Variants in L3MBTL4 observed in about 807,000 individuals in gnomAD.
L3MBTL4 encodes L3MBTL histone methyl-lysine binding protein 4, also known as lethal(3)malignant brain tumor-like protein 4.
L3MBTL4 carries 70 observed loss-of-function variants against 84.5 expected under a neutral mutation model. The ratio of observed to expected loss-of-function variants is 0.83; its 90% CI spans 0.68 to 1.01. The LOEUF is 1.01. Among genes scored for constraint, L3MBTL4 ranks in the 50% least tolerant of loss-of-function variants. L3MBTL4 has a pLI of 0.00. For synonymous variants in L3MBTL4, 274 were observed against 259.8 expected (o/e 1.05, Z -0.52); for missense variants, 715 against 754.8 (o/e 0.95, Z 0.62).
chr18:6,116,506 G>T (rs552809138), intron 14 of L3MBTL4, among the ~76,000 whole-genome samples: 1 of 151,806 alleles, frequency 6.6e-6, no homozygotes, highest in Non-Finnish European at 1.5e-5. Flanking sequence ...TAGGATTACC[G>T]GCATGCACCA....
chr18:5,956,899 A>G (rs1374047913), intron 18 of L3MBTL4, among the ~76,000 whole-genome samples: 1 of 130,410 alleles, frequency 7.7e-6, no homozygotes, highest in Non-Finnish European at 1.6e-5. Context: ...GAAACATTTA[A>G]TGATTTAGGA....
At chr18:6,325,365 T>C (rs1300387045) in intron 1 of L3MBTL4, among the ~76,000 whole-genome samples, 1 of 152,144 alleles carries the variant, frequency 6.6e-6, no homozygotes, top group Non-Finnish European at 1.5e-5. Flanking sequence ...ACTACTTTTG[T>C]TGAGAGATGG....
chr18:6,098,612 A>G (rs1429495807), intron 14 of L3MBTL4, among the ~76,000 whole-genome samples: 3 of 152,158 alleles, frequency 2.0e-5, no homozygotes, highest in Non-Finnish European at 2.9e-5. Flanking sequence ...ATAGGCAAGT[A>G]TCTCCCAAGA....
chr18:6,060,248 T>C (rs1474361480), intron 16 of L3MBTL4, among the ~76,000 whole-genome samples: 2 of 152,160 alleles, frequency 1.3e-5, no homozygotes, highest in African/African-American at 2.4e-5. Flanking sequence ...CTTAGAATGA[T>C]CTTTCAGTCC....
intron 8 of L3MBTL4, 102 bp downstream of exon 8, chr18:6,241,256 C>A: frequency 2.8e-6 from 2 of 720,098 alleles, no homozygotes; most frequent in South Asian, 1.8e-5. Flanking sequence ...TAACAGTTTC[C>A]ATAACTTCTT....
At chr18:6,050,397 C>G (rs909266706) in intron 16 of L3MBTL4, among the ~76,000 whole-genome samples, 3 of 152,118 alleles carry the variant, frequency 2.0e-5, no homozygotes, top group Admixed American at 6.6e-5. Flanking sequence ...GTTACATTCA[C>G]CATTCTGAAA....
chr18:6,150,857 GTA>G (rs1468646090), intron 13 of L3MBTL4, among the ~76,000 whole-genome samples: 1 of 152,138 alleles, frequency 6.6e-6, no homozygotes, highest in African/African-American at 2.4e-5. Context: ...GGCACCTTGG[GTA>G]TAAAGGCACT....
intron 16 of L3MBTL4, among the ~76,000 whole-genome samples, chr18:6,027,919 G>A (rs757736810): frequency 3.4e-4 from 52 of 152,226 alleles, no homozygotes; most frequent in Non-Finnish European, 5.9e-4. Flanking sequence ...TAAGTTCCTT[G>A]TAAATTCTGG....
chr18:6,245,856 G>A (rs1049074720), intron 5 of L3MBTL4, among the ~76,000 whole-genome samples: 1 of 152,096 alleles, frequency 6.6e-6, no homozygotes, highest in Non-Finnish European at 1.5e-5. Context: ...CTCCCAAAGG[G>A]CTAGGAATAT....
intron 16 of L3MBTL4, among the ~76,000 whole-genome samples, chr18:6,051,138 C>G (rs2056823785): frequency 6.6e-6 from 1 of 152,184 alleles, no homozygotes; most frequent in South Asian, 2.1e-4. Flanking sequence ...GAGCACCAAG[C>G]TAATTTGGTT....
At chr18:6,347,382 G>A (rs957383767) in intron 1 of L3MBTL4, among the ~76,000 whole-genome samples, 2 of 151,790 alleles carry the variant, frequency 1.3e-5, no homozygotes, top group African/African-American at 4.8e-5. Context: ...AATTTAAAAA[G>A]AGAGTAAGAG....
At chr18:5,996,419 T>TGTA (rs1209358148) in intron 16 of L3MBTL4, among the ~76,000 whole-genome samples, 8 of 152,204 alleles carry the variant, frequency 5.3e-5, no homozygotes, top group African/African-American at 1.9e-4. Flanking sequence ...GGCAGTGAGC[T>TGTA]GTACGTTTTT....
chr18:6,067,844 C>T (rs8085316), intron 16 of L3MBTL4, among the ~76,000 whole-genome samples: 44,857 of 151,980 alleles, frequency 0.3, 6,836 homozygotes, highest in East Asian at 0.56. Context: ...TGATTTCTTG[C>T]GGATGCTGTA....
In L3MBTL4 at chr18:6,262,487, G is replaced by A. The variant is rs190755556; in HGVS notation, c.219+1460C>T. On this transcript the variant is annotated intron_variant, in intron 5 of 18. Coordinates refer to ENST00000317931, the MANE Select transcript of L3MBTL4 (RefSeq NM_001330559.2). Reference sequence around the variant, plus strand: ...TCTTATCAGGTGAAAGCAATGTGGGGAAACATGGACCTGACTCCTAGACAG... The same window carrying A: ...TCTTATCAGGTGAAAGCAATGTGGGAAAACATGGACCTGACTCCTAGACAG... Among the ~76,000 whole-genome samples the A allele has an allele frequency of 2.0e-5, 3 of 152,290 alleles. No individual in the cohort carries two copies. The East Asian group carries it at 5.8e-4, about 29-fold the overall frequency.
chr18:6,159,983 A>G (rs1421023093), intron 13 of L3MBTL4, among the ~76,000 whole-genome samples: 1 of 152,180 alleles, frequency 6.6e-6, no homozygotes, highest in Non-Finnish European at 1.5e-5. Flanking sequence ...TGATTTCTGA[A>G]AGAGTGTTTA....
intron 13 of L3MBTL4, among the ~76,000 whole-genome samples, chr18:6,141,580 A>G (rs1221763031): frequency 6.6e-6 from 1 of 152,018 alleles, no homozygotes; most frequent in Admixed American, 6.5e-5. Context: ...AGGAGCCTGG[A>G]TCCTTGACAT....
rs371816419 is a variant in L3MBTL4, at chr18:6,376,569, T to TACA, written c.-91+38229_-91+38231dup. Among the ~76,000 whole-genome samples the TACA allele has an allele frequency of 3.6e-3, 541 of 152,096 alleles. 4 individuals are homozygous for TACA. The highest frequency in any genetic ancestry group is 0.012 in the African/African-American group (492 of 41,486). On this transcript the variant is annotated intron_variant, in intron 1 of 18. Transcript: ENST00000317931. The stretch of plus-strand genomic sequence containing the variant: ...GCCTGGGCTGGGGAGACCCCATCTG[T>TACA]ACAACAACAACAACAAAAATTAGCT...
At chr18:6,399,016 A>G (rs1488311289) in intron 1 of L3MBTL4, among the ~76,000 whole-genome samples, 1 of 152,230 alleles carries the variant, frequency 6.6e-6, no homozygotes, top group Non-Finnish European at 1.5e-5. Context: ...TAACACACCA[A>G]ACATGTCAAA....
chr18:6,107,998 C>T (rs941222260), intron 14 of L3MBTL4, among the ~76,000 whole-genome samples: 6 of 152,174 alleles, frequency 3.9e-5, no homozygotes, highest in African/African-American at 1.4e-4. Context: ...GCGTGCCATG[C>T]CAACAGGAAG....
Sources: allele counts gnomAD v4.1 joint callset (sites outside exome capture counted in the v4.1 genomes callset), GRCh38; gene constraint gnomAD v4.1.1; transcripts MANE v1.5; gene names NCBI Gene and HGNC (gene_info 2026-07-23, HGNC 2026-07-21).